Variants in DNAAF1 observed in about 807,000 individuals in gnomAD.
The protein encoded by DNAAF1 is dynein axonemal assembly factor 1.
A neutral mutation model predicts 71.1 loss-of-function variants in DNAAF1; 65 were observed. That is an observed-to-expected ratio of 0.91 (90% CI 0.75 to 1.12). The LOEUF (loss-of-function observed/expected upper bound fraction) is 1.12, where lower values mean the gene tolerates loss of function less well. Among genes scored for constraint, DNAAF1 ranks in the 50% most tolerant of loss-of-function variants. The pLI is 0.00. For missense variants in DNAAF1, 1,178 were observed against 899.8 expected (o/e 1.31, Z -3.96); for synonymous variants, 414 against 354.6 (o/e 1.17, Z -1.88).
rs142464418 is a variant in DNAAF1, at chr16:84,175,374, G to A, written c.1699-559G>A. 1.0e-3 allele frequency: 185 copies of A among 180,866 alleles called. 1 individual carries two copies. Among genetic ancestry groups the A allele is most frequent in the African/African-American group, 4.0e-3 (166 of 41,974 alleles). 11.2% of individuals were successfully genotyped at this position (180,866 alleles called of 1,614,324 possible). On this transcript the variant is annotated intron_variant, in intron 10 of 11. Transcript: ENST00000378553. Reference sequence around the variant, plus strand: ...ATAGGGGAAGGAAATGAAAACAGGAGAGGGGAAAGAAAGGGGTGAGTCTGT... The same window carrying A: ...ATAGGGGAAGGAAATGAAAACAGGAAAGGGGAAAGAAAGGGGTGAGTCTGT...
At position 84,150,203 on chromosome 16, in the gene DNAAF1, C is replaced by T. The variant is rs79344362; in HGVS notation, c.261-48C>T. The T allele has an allele frequency of 1.1e-4, 160 of 1,400,782 alleles. 2 individuals are homozygous for T. In the African/African-American group the frequency reaches 2.0e-3, roughly 18 times the overall value. The allele number at this position is 1,400,782 out of a possible 1,614,324, so 86.8% of individuals were successfully genotyped here. Reference sequence around the variant, plus strand: ...TAAAGAACTGTGAGAATATGTTTTACAGCTGACAATTTGCAATAAGCTTAT... The same window carrying T: ...TAAAGAACTGTGAGAATATGTTTTATAGCTGACAATTTGCAATAAGCTTAT... On this transcript the variant is annotated intron_variant, in intron 2 of 11. Coordinates refer to ENST00000378553, the MANE Select transcript of DNAAF1 (RefSeq NM_178452.6).
Position 84,148,596 on chromosome 16 carries a change from C to CTCTCTCTCTTTTTTTTTTT in DNAAF1, c.125-410_125-409insCTCTCTCTTTTTTTTTTTT. ...AAAGATTACTGTTCTCTCTCTCTCT[C>CTCTCTCTCTTTTTTTTTTT]TTTTTTTTTTTTTTTTTTGGTGAGA... On this transcript the variant is annotated intron_variant, in intron 1 of 11. Transcript: ENST00000378553. Among the ~76,000 whole-genome samples the CTCTCTCTCTTTTTTTTTTT allele has an allele frequency of 3.5e-3, 152 of 43,570 alleles. 3 individuals carry two copies. Among genetic ancestry groups the CTCTCTCTCTTTTTTTTTTT allele is most frequent in the African/African-American group, 0.014 (147 of 10,854 alleles). The allele number at this position is 43,570 out of a possible 152,430, so 28.6% of individuals were successfully genotyped here.
Position 84,170,274 on chromosome 16 carries a change from AG to A in DNAAF1, c.1448del (p.Gly483GlufsTer52), listed in dbSNP as rs777812384. 4.3e-6 allele frequency: 7 copies of A among 1,609,988 alleles called. No homozygotes were observed. The highest frequency in any genetic ancestry group is 5.1e-6 in the Non-Finnish European group (6 of 1,178,130). On this transcript the variant is annotated frameshift_variant, in exon 8 of 12. Transcript: ENST00000378553. LOFTEE classifies it high-confidence loss of function. Reference sequence around the variant, plus strand: ...TACTGTCACCGCCTGTGAAGGTTAAAGGAGAGGATGGAGATCGAGAGCCAGA... The same window carrying A: ...TACTGTCACCGCCTGTGAAGGTTAAAGAGAGGATGGAGATCGAGAGCCAGA... Reference protein sequence around the residue: ...LLLSPPVKVKGEDGDREPEGT... With the variant: ...LLLSPPVKVKXEDGDREPEGT...
At chr16:84,147,760 C>CA (rs888467474) in intron 1 of DNAAF1, among the ~76,000 whole-genome samples, 41 of 149,554 alleles carry the variant, frequency 2.7e-4, no homozygotes, top group Admixed American at 3.3e-4. Context: ...AAGCCCCCCC[C>CA]AAAAAAAAAA....
intron 1 of DNAAF1, 92 bp downstream of exon 1, chr16:84,145,656 C>T: frequency 7.0e-7 from 1 of 1,423,426 alleles, no homozygotes; most frequent in Non-Finnish European, 9.4e-7. Flanking sequence ...CCGATCTTCA[C>T]AGCCAAATAA....
At chr16:84,150,000 G>C (rs1304681579) in intron 2 of DNAAF1, among the ~76,000 whole-genome samples, 3 of 151,962 alleles carry the variant, frequency 2.0e-5, no homozygotes, top group African/African-American at 7.3e-5. Context: ...ACTCCAGCCT[G>C]GGCAATAGAG....
intron 7 of DNAAF1, 126 bp from the exon 8 acceptor site, chr16:84,169,733 T>A (rs973372617): frequency 2.7e-5 from 39 of 1,429,066 alleles, no homozygotes; most frequent in Non-Finnish European, 3.6e-5. Flanking sequence ...TTGAGGACAC[T>A]TTTTTAACTG....
At position 84,150,371 on chromosome 16, in the gene DNAAF1, C is replaced by A. The variant is rs761520482; in HGVS notation, c.352+29C>A. On this transcript the variant is annotated intron_variant, in intron 3 of 11. Coordinates refer to ENST00000378553, the MANE Select transcript of DNAAF1 (RefSeq NM_178452.6). ...AGGACCTAAGAGAGGAAGTGCTTCA[C>A]GTCAGGTGGAAAGATTCTGTCTAGC... 25 of 1,512,836 alleles carry A rather than the reference C, an allele frequency of 1.7e-5. No individual in the cohort carries two copies. The South Asian group carries it at 2.5e-4, about 15-fold the overall frequency. 93.7% of individuals were successfully genotyped at this position (1,512,836 alleles called of 1,614,324 possible).
rs2087063455 is a variant in DNAAF1, at chr16:84,149,139, C to G, written c.257C>G (p.Pro86Arg). 6.2e-7 allele frequency: 1 copy of G among 1,613,882 alleles called. No homozygotes were observed. Among genetic ancestry groups the G allele is most frequent in the Non-Finnish European group, 8.5e-7 (1 of 1,179,984 alleles). Residue 86 changes from proline (P) to arginine (R), a missense_variant, in exon 2 of 12, where the codon CCC becomes CGC. By Grantham distance (103) the Pro-to-Arg change is moderately radical. Transcript: ENST00000378553. Reference sequence around the variant, plus strand: ...AGAGAAGACAGGGAAGATCGGGGCCCCAGGTATGTGGGCATACTCCTAATT... The same window carrying G: ...AGAGAAGACAGGGAAGATCGGGGCCGCAGGTATGTGGGCATACTCCTAATT... ...HPREDREDRG[P>R]RMTKSSLQKL...
chr16:84,160,398 C>G (rs13337631), intron 6 of DNAAF1, among the ~76,000 whole-genome samples: 70 of 152,278 alleles, frequency 4.6e-4, no homozygotes, highest in African/African-American at 1.6e-3. Context: ...ACATCGTACC[C>G]TGGACTGCCA....
intron 8 of DNAAF1, among the ~76,000 whole-genome samples, chr16:84,172,025 C>A (rs1318334659): frequency 1.3e-5 from 2 of 152,054 alleles, no homozygotes; most frequent in African/African-American, 2.4e-5. Context: ...CTACAGGTGC[C>A]CGCCACCACA....
intron 7 of DNAAF1, among the ~76,000 whole-genome samples, chr16:84,168,386 C>T (rs778258204): frequency 6.6e-6 from 1 of 152,170 alleles, no homozygotes; most frequent in Non-Finnish European, 1.5e-5. Context: ...TTCCTTTGTC[C>T]GTGTAAGGTA....
chr16:84,168,295 T>C (rs1468576195), intron 7 of DNAAF1, among the ~76,000 whole-genome samples: 1 of 152,224 alleles, frequency 6.6e-6, no homozygotes. Context: ...TGAGGGCTCT[T>C]GTGATTCTTT....
chr16:84,175,066 G>C (rs1011837595), intron 10 of DNAAF1, among the ~76,000 whole-genome samples: 6 of 152,120 alleles, frequency 3.9e-5, no homozygotes, highest in African/African-American at 1.4e-4. Context: ...ATGTTGGCCA[G>C]GCTGGTCTCG....
At chr16:84,158,087 C>G (rs1485847116) in intron 5 of DNAAF1, among the ~76,000 whole-genome samples, 1 of 152,050 alleles carries the variant, frequency 6.6e-6, no homozygotes, top group African/African-American at 2.4e-5. Context: ...CACCTGTAGT[C>G]CCAGCTACTC....
intron 1 of DNAAF1, 24 bp downstream of exon 1, chr16:84,145,588 G>T: frequency 6.5e-7 from 1 of 1,542,660 alleles, no homozygotes. Context: ...CCCAGGGAGG[G>T]CGGTGGGCGA....
intron 9 of DNAAF1, 186 bp from the exon 10 acceptor site, chr16:84,174,483 T>G: frequency 6.8e-7 from 1 of 1,474,760 alleles, no homozygotes; most frequent in Non-Finnish European, 9.0e-7. Context: ...ACACCTGAGG[T>G]GGCAACGCTT....
In DNAAF1 at chr16:84,148,438, T is replaced by TAA. The variant is rs199824913; in HGVS notation, c.125-561_125-560dup. 2.5e-4 allele frequency among the ~76,000 whole-genome samples: 37 copies of TAA among 150,418 alleles called. 1 individual carries two copies. The South Asian group carries it at 5.1e-3, about 21-fold the overall frequency. On this transcript the variant is annotated intron_variant, in intron 1 of 11. Transcript: ENST00000378553. ...CGTTGTTAACAGTTTTTGGCTTTTA[T>TAA]AAAAAAAAACGCAGAAACAAATCTC...
In DNAAF1 at chr16:84,154,656, C is replaced by T. The variant is rs143312655; in HGVS notation, c.432C>T (p.Ile144=). The T allele has an allele frequency of 1.5e-4, 235 of 1,614,150 alleles. 2 individuals carry two copies. The African/African-American group carries it at 2.1e-3, about 14-fold the overall frequency. Reference sequence around the variant, plus strand: ...TGCAGAGCAATGGAATACAGAAAATCGAAAACCTGGAGGCCCAAACTGAGT... The same window carrying T: ...TGCAGAGCAATGGAATACAGAAAATTGAAAACCTGGAGGCCCAAACTGAGT... ...LWLQSNGIQK[I]ENLEAQTELR... Residue 144 remains isoleucine (I), a synonymous_variant, in exon 4 of 12, where the codon ATC becomes ATT. Transcript: ENST00000378553.
Sources: allele counts gnomAD v4.1 joint callset (sites outside exome capture counted in the v4.1 genomes callset), GRCh38; gene constraint gnomAD v4.1.1; transcripts MANE v1.5; gene names NCBI Gene and HGNC (gene_info 2026-07-23, HGNC 2026-07-21).